The following NFIA variants were observed in gnomAD, a reference collection of about 807,000 sequenced individuals.
NFIA encodes the protein nuclear factor I A.
In NFIA, 8 loss-of-function variants were observed where a neutral mutation model predicts 62.8. That is an observed-to-expected ratio of 0.13 (90% CI 0.07 to 0.23). The LOEUF (loss-of-function observed/expected upper bound fraction) is 0.23, where lower values mean the gene tolerates loss of function less well. NFIA is among the 10% of genes least tolerant of loss of function. NFIA has a pLI of 1.00. For synonymous variants in NFIA, 235 were observed against 238.1 expected, an observed-to-expected ratio of 0.99 and a Z score of 0.12; for missense variants, 410 against 642.1, an observed-to-expected ratio of 0.64 and a Z score of 3.91.
chr1:61,281,401 A>G (rs1040278351), intron 3 of NFIA, among the ~76,000 whole-genome samples: 19 of 152,206 alleles, frequency 1.2e-4, no homozygotes, highest in African/African-American at 4.3e-4. Context: ...CGTATTTACA[A>G]CGAGTACGTA....
At chr1:61,406,097 T>G (rs1030397646) in intron 8 of NFIA, among the ~76,000 whole-genome samples, 3 of 152,178 alleles carry the variant, frequency 2.0e-5, no homozygotes, top group African/African-American at 7.2e-5. Context: ...TTAGGAAAAT[T>G]TATTCTATCT....
intron 7 of NFIA, among the ~76,000 whole-genome samples, chr1:61,391,488 A>G (rs1664980204): frequency 1.5e-5 from 2 of 136,868 alleles, no homozygotes; most frequent in Non-Finnish European, 1.6e-5. Flanking sequence ...ACACACACAC[A>G]GGCAGTTTAG....
chr1:61,186,118 T>G (rs1651161142), intron 2 of NFIA, among the ~76,000 whole-genome samples: 1 of 152,192 alleles, frequency 6.6e-6, no homozygotes, highest in African/African-American at 2.4e-5. Flanking sequence ...AAGAATTGTA[T>G]TATAAAATAC....
chr1:61,116,038 G>A (rs998920370), intron 2 of NFIA, among the ~76,000 whole-genome samples: 1 of 115,740 alleles, frequency 8.6e-6, no homozygotes, highest in African/African-American at 3.3e-5. Flanking sequence ...TTTTTGCCTT[G>A]TTTTGAGGAG....
chr1:61,210,428 G>T (rs576948084), intron 2 of NFIA, among the ~76,000 whole-genome samples: 2 of 152,142 alleles, frequency 1.3e-5, no homozygotes, highest in South Asian at 4.2e-4. Flanking sequence ...TTCTCCTAAG[G>T]GCTTAAATTA....
At chr1:61,331,354 T>C (rs1449165675) in intron 3 of NFIA, among the ~76,000 whole-genome samples, 4 of 152,196 alleles carry the variant, frequency 2.6e-5, no homozygotes, top group Admixed American at 2.0e-4. Context: ...TGGCAACTTT[T>C]TGCATGTGTT....
chr1:61,292,712 A>T (rs1312723754), intron 3 of NFIA, among the ~76,000 whole-genome samples: 1 of 152,320 alleles, frequency 6.6e-6, no homozygotes, highest in East Asian at 1.9e-4. Context: ...TATTTGACCT[A>T]AATGCTGAAG....
chr1:61,198,597 G>A (rs80121484), intron 2 of NFIA, among the ~76,000 whole-genome samples: 3,160 of 152,170 alleles, frequency 0.021, 114 homozygotes, highest in African/African-American at 0.073. Flanking sequence ...CTTTTCATTC[G>A]TTCTTCACTC....
At chr1:61,168,039 G>T (rs1226127732) in intron 2 of NFIA, among the ~76,000 whole-genome samples, 3 of 152,164 alleles carry the variant, frequency 2.0e-5, no homozygotes, top group African/African-American at 4.8e-5. Flanking sequence ...GGGCTAGTGG[G>T]TCTGAGCTTT....
chr1:61,331,851 A>T (rs1476310446), intron 3 of NFIA, among the ~76,000 whole-genome samples: 2 of 152,210 alleles, frequency 1.3e-5, no homozygotes, highest in Non-Finnish European at 2.9e-5. Flanking sequence ...GCAGAAACAA[A>T]GTTCGAAGAT....
intron 6 of NFIA, among the ~76,000 whole-genome samples, chr1:61,364,545 C>G (rs565943381): frequency 6.6e-6 from 1 of 152,162 alleles, no homozygotes; most frequent in African/African-American, 2.4e-5. Flanking sequence ...GTAAGCAGAA[C>G]AATTGCTTAG....
At chr1:61,082,045 G>T, upstream of NFIA, 2 of 1,547,424 alleles carry the variant, frequency 1.3e-6, no homozygotes, top group Non-Finnish European at 1.7e-6. Flanking sequence ...GTCCTCCACC[G>T]AGGTCCGCGG....
chr1:61,258,269 C>T (rs1656549223), intron 2 of NFIA, among the ~76,000 whole-genome samples: 1 of 152,044 alleles, frequency 6.6e-6, no homozygotes, highest in Admixed American at 6.5e-5. Flanking sequence ...TACATCATGC[C>T]AAAGATAAAA....
chr1:61,251,181 G>A (rs766130905), intron 2 of NFIA: 1 of 152,140 alleles, frequency 6.6e-6, no homozygotes, highest in African/African-American at 2.4e-5. Context: ...AAGTGTATGT[G>A]TGTGTTTGTG....
chr1:61,348,679 A>G (rs1467229123), intron 4 of NFIA, among the ~76,000 whole-genome samples: 1 of 152,112 alleles, frequency 6.6e-6, no homozygotes, highest in Non-Finnish European at 1.5e-5. Flanking sequence ...GGCAAAAGAC[A>G]TTTTTCTAGG....
intron 6 of NFIA, among the ~76,000 whole-genome samples, chr1:61,374,527 T>G (rs759041893): frequency 2.6e-5 from 4 of 152,228 alleles, no homozygotes; most frequent in Non-Finnish European, 4.4e-5. Flanking sequence ...TATATGACAT[T>G]TTCCTTGTGT....
intron 3 of NFIA, among the ~76,000 whole-genome samples, chr1:61,299,416 T>G (rs541281378): frequency 6.6e-6 from 1 of 152,324 alleles, no homozygotes; most frequent in East Asian, 1.9e-4. Context: ...CACTACCTCT[T>G]TAATTTTTCT....
At chr1:61,196,445 T>G (rs1030093915) in intron 2 of NFIA, among the ~76,000 whole-genome samples, 2 of 152,192 alleles carry the variant, frequency 1.3e-5, no homozygotes, top group African/African-American at 4.8e-5. Context: ...TGATAATATA[T>G]TTTCTTTTAG....
chr1:61,260,130 C>T (rs572127327), intron 2 of NFIA, among the ~76,000 whole-genome samples: 22 of 152,310 alleles, frequency 1.4e-4, no homozygotes, highest in Admixed American at 2.6e-4. Context: ...GAATTTAGGT[C>T]GCAGACGTCT....
Sources: gnomAD v4.1 joint callset for allele counts (sites outside exome capture counted in the v4.1 genomes callset) on GRCh38, gnomAD v4.1.1 for gene constraint, MANE v1.5 for transcripts, NCBI Gene and HGNC (gene_info 2026-07-23, HGNC 2026-07-21) for gene names.